Variants in SAFB observed in about 807,000 individuals in gnomAD.
SAFB encodes scaffold attachment factor B, also known as scaffold attachment factor B1.
Under a neutral mutation model 101.6 loss-of-function variants are expected in SAFB, and 15 were observed. That is an observed-to-expected ratio of 0.15 (90% confidence interval 0.10 to 0.23). The LOEUF (loss-of-function observed/expected upper bound fraction) is 0.23, where lower values mean the gene tolerates loss of function less well. SAFB is among the 10% of genes least tolerant of loss of function. SAFB has a pLI of 1.00. For synonymous variants in SAFB, 449 were observed against 407.5 expected (o/e 1.10, Z -1.23); for missense variants, 930 against 1,104.1 (o/e 0.84, Z 2.23).
Position 5,667,179 on chromosome 19 carries a change from C to T in SAFB, c.2453+15C>T, listed in dbSNP as rs780081827. Reference sequence around the variant, plus strand: ...CCTCCCCCCAGGTTTGTGTCCCACACCCGACAGTACCTGACCCCCCCCCCG... The same window carrying T: ...CCTCCCCCCAGGTTTGTGTCCCACATCCGACAGTACCTGACCCCCCCCCCG... On this transcript the variant is annotated intron_variant, in intron 18 of 20. Coordinates refer to ENST00000588852, the MANE Select transcript of SAFB (RefSeq NM_001201338.2). The surrounding 1 kb of genome is among the most constrained non-coding windows in gnomAD (Gnocchi z 4.0). The T allele has an allele frequency of 1.1e-5, 16 of 1,456,378 alleles. 1 individual carries two copies. The Middle Eastern group carries it at 2.3e-3, about 209-fold the overall frequency. 90.2% of individuals were successfully genotyped at this position (1,456,378 alleles called of 1,614,324 possible). A position where few individuals can be genotyped will look rare whatever the true frequency, so the allele number is the denominator to read the frequency against.
At chr19:5,652,521 A>G (rs1358103896) in intron 9 of SAFB, among the ~76,000 whole-genome samples, 1 of 152,184 alleles carries the variant, frequency 6.6e-6, no homozygotes, top group Non-Finnish European at 1.5e-5. Context: ...TGGCTGCTGC[A>G]GGGCTTTTCC....
intron 20 of SAFB, 114 bp from the exon 21 acceptor site, chr19:5,668,048 A>C: frequency 6.8e-7 from 1 of 1,470,994 alleles, no homozygotes; most frequent in Non-Finnish European, 9.2e-7. Context: ...TCAGGAGGGG[A>C]GGGCATTAGG....
intron 14 of SAFB, among the ~76,000 whole-genome samples, chr19:5,659,987 G>A (rs1053887145): frequency 1.3e-5 from 2 of 152,244 alleles, no homozygotes; most frequent in Non-Finnish European, 2.9e-5. Flanking sequence ...TCCGGAAGGT[G>A]CTGAGATCCA....
Position 5,623,154 on chromosome 19 carries a change from TA to T in SAFB, c.-48del, listed in dbSNP as rs931715069. On this transcript the variant is annotated 5_prime_UTR_variant, in exon 1 of 21. Transcript: ENST00000588852. The stretch of plus-strand genomic sequence containing the variant: ...GCGCCATTTTGTGCTAGGAGCCTGA[TA>T]AAACCGGCCCGGTTCTGTGGAAAGT... 116 of 1,534,498 alleles carry T rather than the reference TA, an allele frequency of 7.6e-5. No homozygotes were observed. In the Middle Eastern group the frequency reaches 1.6e-3, roughly 21 times the overall value.
chr19:5,662,742 G>C (rs2054243445), intron 15 of SAFB, among the ~76,000 whole-genome samples: 1 of 150,162 alleles, frequency 6.7e-6, no homozygotes, highest in African/African-American at 2.5e-5. Flanking sequence ...CTGGGTTCAA[G>C]CGATTCTCCT....
Position 5,667,735 on chromosome 19 carries a change from C to A in SAFB, c.2558-85C>A. On this transcript the variant is annotated intron_variant, in intron 19 of 20. Transcript: ENST00000588852. The surrounding 1 kb of genome is among the most constrained non-coding windows in gnomAD (Gnocchi z 4.0). ...AGTTGTGGGTACCTGGGGGCCTCAC[C>A]AAAGGGAGTGGAGTGGGCTAAATGT... is the stretch of plus-strand genomic sequence containing the variant. The A allele has an allele frequency of 7.1e-7, 1 of 1,401,522 alleles. No individual in the cohort carries two copies. Among genetic ancestry groups the A allele is most frequent in the Non-Finnish European group, 1.0e-6 (1 of 996,568 alleles). The allele number at this position is 1,401,522 out of a possible 1,614,324, so 86.8% of individuals were successfully genotyped here.
chr19:5,664,085 C>G lies in SAFB; in HGVS notation c.2217C>G (p.Asp739Glu), dbSNP rs1385313836. Residue 739 changes from aspartate (D) to glutamate (E), a missense_variant, in exon 16 of 21, where the codon GAC becomes GAG. Transcript: ENST00000588852. ...CCCTGGATGAGCGCTACCATTCTGA[C>G]TTTAACCGCCAGGACCGCTTCCACG... ...RAALDERYHSDFNRQDRFHDF... is the reference protein window; with the variant it reads ...RAALDERYHSEFNRQDRFHDF... 2 of 1,614,070 alleles carry G rather than the reference C, an allele frequency of 1.2e-6. No individual in the cohort carries two copies. The highest frequency in any genetic ancestry group is 1.7e-6 in the Non-Finnish European group (2 of 1,180,032).
At position 5,653,329 on chromosome 19, in the gene SAFB, C is replaced by CT; in HGVS notation, c.1444-4dup. ...GGAAATGGGGGTAATACTTGATTCT[C>CT]TTTTTCAGGCCAAAAATGAACCTGT... On this transcript the variant is annotated splice_polypyrimidine_tract_variant and intron_variant, in intron 10 of 20. Coordinates refer to ENST00000588852, the MANE Select transcript of SAFB (RefSeq NM_001201338.2). The CT allele has an allele frequency of 1.2e-6, 2 of 1,614,074 alleles. No individual in the cohort carries two copies. Among genetic ancestry groups the CT allele is most frequent in the Non-Finnish European group, 1.7e-6 (2 of 1,179,980 alleles).
In SAFB at chr19:5,623,186, G is replaced by A; in HGVS notation, c.-20G>A. 1.3e-6 allele frequency: 2 copies of A among 1,562,540 alleles called. No individual in the cohort carries two copies. Among genetic ancestry groups the A allele is most frequent in the Non-Finnish European group, 1.7e-6 (2 of 1,154,370 alleles). ...GGCCCGGTTCTGTGGAAAGTGGGCG[G>A]CGGAGCCAGGGTCCCTGGAATGGCG... On this transcript the variant is annotated 5_prime_UTR_variant, in exon 1 of 21. Transcript: ENST00000588852.
intron 2 of SAFB, among the ~76,000 whole-genome samples, chr19:5,636,013 A>G (rs948561993): frequency 2.0e-4 from 31 of 152,078 alleles, no homozygotes; most frequent in African/African-American, 7.2e-4. Context: ...CCAGTCAGGG[A>G]TGTGCTTTAT....
Position 5,668,434 on chromosome 19 carries a change from T to A in SAFB, c.*143T>A. 5.2e-6 allele frequency: 2 copies of A among 388,170 alleles called. No homozygotes were observed. The highest frequency in any genetic ancestry group is 5.4e-5 in the South Asian group (1 of 18,676). The allele number at this position is 388,170 out of a possible 1,614,324, so 24.0% of individuals were successfully genotyped here. A position where few individuals can be genotyped will look rare whatever the true frequency, so the allele number is the denominator to read the frequency against. On this transcript the variant is annotated 3_prime_UTR_variant, in exon 21 of 21. Transcript: ENST00000588852. ...TGTGAATTTGTTTTTCGTTTTGGGG[T>A]TTTTTTTTTTTGTAATAAATGTGTT...
intron 14 of SAFB, among the ~76,000 whole-genome samples, chr19:5,660,342 CTTTTT>C (rs11360129): frequency 4.1e-4 from 21 of 50,938 alleles, no homozygotes; most frequent in Non-Finnish European, 6.6e-4. Context: ...CTGCACACAC[CTTTTT>C]TTTTTTTTTT....
At chr19:5,633,647 C>A (rs574327636) in intron 2 of SAFB, among the ~76,000 whole-genome samples, 1 of 152,046 alleles carries the variant, frequency 6.6e-6, no homozygotes, top group Non-Finnish European at 1.5e-5. Context: ...GGCGTGGTGG[C>A]GGGCGCCTGT....
chr19:5,663,975 A>C, intron 15 of SAFB, 47 bp from the exon 16 acceptor site: 1 of 1,594,244 alleles, frequency 6.3e-7, no homozygotes, highest in Non-Finnish European at 8.6e-7. Context: ...TGATAGATAC[A>C]TTTGGGGTGG....
intron 15 of SAFB, 63 bp from the exon 16 acceptor site, chr19:5,663,959 C>A: frequency 6.4e-7 from 1 of 1,563,020 alleles, no homozygotes; most frequent in Admixed American, 1.8e-5. Flanking sequence ...CCAGCTCCCA[C>A]AAAGGTGATA....
intron 14 of SAFB, among the ~76,000 whole-genome samples, chr19:5,660,756 T>C (rs771614627): frequency 3.7e-4 from 55 of 149,600 alleles, no homozygotes; most frequent in Non-Finnish European, 6.4e-4. Context: ...CTGTTCTGTT[T>C]TATATACAAA....
rs181264789 is a variant in SAFB, at chr19:5,625,117, T to C, written c.190-1288T>C. ...TCAAGATGTGGTCCCAAAACACGAATACCGCCAGCCCATATCCCTGTCTGC... is the reference window on the plus strand; with the variant it reads ...TCAAGATGTGGTCCCAAAACACGAACACCGCCAGCCCATATCCCTGTCTGC... On this transcript the variant is annotated intron_variant, in intron 1 of 20. Transcript: ENST00000588852. Among the ~76,000 whole-genome samples, 7 of 152,332 alleles carry C rather than the reference T, an allele frequency of 4.6e-5. No homozygotes were observed. In the East Asian group the frequency reaches 1.3e-3, roughly 29 times the overall value.
At chr19:5,638,685 G>C (rs1367155829) in intron 2 of SAFB, among the ~76,000 whole-genome samples, 1 of 123,218 alleles carries the variant, frequency 8.1e-6, no homozygotes, top group Non-Finnish European at 1.8e-5. Flanking sequence ...TCGTTTTTTA[G>C]TTTCTTTTTT....
At position 5,661,741 on chromosome 19, in the gene SAFB, C is replaced by T. The variant is rs1568279403; in HGVS notation, c.2086C>T (p.Arg696Cys). The stretch of plus-strand genomic sequence containing the variant: ...CCACCGTGAGCGCGAGGAGCTGAGG[C>T]GCCAGCAGGAACTGCGCTATGAGCA... ...RIHREREELR[R>C]QQELRYEQER... Residue 696 changes from arginine to cysteine, a missense_variant, in exon 15 of 21, where the codon CGC becomes TGC. By Grantham distance (180) the Arg-to-Cys change is radical. Around this residue, in one of 7 missense-constraint regions of SAFB, gnomAD observed 159 missense variants for 234.1 expected, o/e 0.68. Transcript: ENST00000588852. The T allele has an allele frequency of 1.3e-6, 2 of 1,589,036 alleles. No homozygotes were observed. Among genetic ancestry groups the T allele is most frequent in the Non-Finnish European group, 1.7e-6 (2 of 1,169,960 alleles).
Sources: allele counts gnomAD v4.1 joint callset (sites outside exome capture counted in the v4.1 genomes callset), GRCh38; gene constraint gnomAD v4.1.1; regional missense constraint gnomAD v4.1.1; non-coding constraint Gnocchi (gnomAD v3.1); transcripts MANE v1.5; gene names NCBI Gene and HGNC (gene_info 2026-07-23, HGNC 2026-07-21).